The following LINGO2 variants were observed in gnomAD, a reference collection of about 807,000 sequenced individuals.
The protein encoded by LINGO2 is leucine rich repeat and Ig domain containing 2.
LINGO2 carries 14 observed loss-of-function variants against 30.6 expected under a neutral mutation model. That is an observed-to-expected ratio of 0.46 (90% CI 0.30 to 0.72). The LOEUF is 0.72. LINGO2 is among the 30% of genes least tolerant of loss of function. The pLI, the probability that LINGO2 is intolerant of heterozygous loss-of-function variation, is 0.07. For missense variants in LINGO2, 729 were observed against 751.7 expected (o/e 0.97, Z 0.35); for synonymous variants, 317 against 288.5 (o/e 1.10, Z -1.00).
At chr9:28,923,657 C>T in the LINGO2 span, among the ~76,000 whole-genome samples, 28 of 151,958 alleles carry the variant, frequency 1.8e-4, no homozygotes, top group African/African-American at 5.8e-4. Flanking sequence ...TGAATGTAGA[C>T]GACATAAGAA....
the LINGO2 span, among the ~76,000 whole-genome samples, chr9:29,170,001 C>A: frequency 2.0e-5 from 3 of 151,882 alleles, no homozygotes; most frequent in South Asian, 6.2e-4. Flanking sequence ...TAAAAACAAA[C>A]AAACAAAAAA....
chr9:28,469,571 G>A (rs531588373), intron 2 of LINGO2, among the ~76,000 whole-genome samples: 2 of 152,100 alleles, frequency 1.3e-5, no homozygotes, highest in East Asian at 3.9e-4. Flanking sequence ...AGCGGCAAGA[G>A]AAAGAACATT....
chr9:28,821,379 T>A, the LINGO2 span, among the ~76,000 whole-genome samples: 23 of 152,140 alleles, frequency 1.5e-4, no homozygotes, highest in Non-Finnish European at 2.8e-4. Context: ...TAAAAACAAA[T>A]GAGCAAGGGA....
chr9:28,460,176 G>T (rs540751050), intron 2 of LINGO2, among the ~76,000 whole-genome samples: 1 of 152,144 alleles, frequency 6.6e-6, no homozygotes, highest in South Asian at 2.1e-4. Flanking sequence ...CAGACTTACT[G>T]CCTCTTTCTA....
chr9:28,237,776 C>G (rs554673688), intron 4 of LINGO2, among the ~76,000 whole-genome samples: 6 of 152,116 alleles, frequency 3.9e-5, no homozygotes, highest in African/African-American at 1.4e-4. Context: ...ATTGCTTGAA[C>G]CTAGGAGGTG....
chr9:28,795,671 T>C, the LINGO2 span, among the ~76,000 whole-genome samples: 996 of 152,148 alleles, frequency 6.5e-3, 13 homozygotes, highest in African/African-American at 0.023. Flanking sequence ...AGACTGTGCA[T>C]CCATATTGTG....
chr9:28,253,088 AT>A (rs969543678), intron 4 of LINGO2, among the ~76,000 whole-genome samples: 2 of 151,952 alleles, frequency 1.3e-5, no homozygotes, highest in African/African-American at 2.4e-5. Context: ...AAAAAAAAAA[AT>A]ATTATTTTCT....
the LINGO2 span, among the ~76,000 whole-genome samples, chr9:28,829,912 T>G: frequency 6.6e-6 from 1 of 151,986 alleles, no homozygotes; most frequent in Non-Finnish European, 1.5e-5. Context: ...AGGAAAGAGG[T>G]ATAAAAGTAG....
intron 3 of LINGO2, among the ~76,000 whole-genome samples, chr9:28,351,845 T>C (rs1487913685): frequency 1.3e-5 from 2 of 150,146 alleles, no homozygotes; most frequent in African/African-American, 2.4e-5. Context: ...GCTGGTTCAA[T>C]ATATGCAAAT....
chr9:28,974,803 T>C, the LINGO2 span, among the ~76,000 whole-genome samples: 25 of 152,062 alleles, frequency 1.6e-4, no homozygotes, highest in Admixed American at 3.9e-4. Flanking sequence ...CTTGCAAAGT[T>C]CTTAGACACT....
chr9:28,898,467 A>G, the LINGO2 span, among the ~76,000 whole-genome samples: 10 of 152,116 alleles, frequency 6.6e-5, no homozygotes, highest in African/African-American at 2.4e-4. Flanking sequence ...ACTTCACAGC[A>G]CTATTTGCCC....
At chr9:28,779,412 T>G in the LINGO2 span, among the ~76,000 whole-genome samples, 1 of 152,172 alleles carries the variant, frequency 6.6e-6, no homozygotes, top group Non-Finnish European at 1.5e-5. Flanking sequence ...CTTGACACAG[T>G]TCAGATTGCA....
the LINGO2 span, among the ~76,000 whole-genome samples, chr9:29,103,448 A>G: frequency 5.4e-3 from 818 of 152,158 alleles, 9 homozygotes; most frequent in African/African-American, 0.019. Flanking sequence ...ATTTTATCCA[A>G]TGCTAACCTA....
rs987973081 is a variant in LINGO2 at position 28,595,149 on chromosome 9, A to G, written c.-365+75051T>C. Among the ~76,000 whole-genome samples the G allele has an allele frequency of 2.6e-5, 4 of 152,222 alleles. No individual in the cohort carries two copies. In the East Asian group the frequency reaches 5.8e-4, roughly 22 times the overall value. Reference sequence around the variant, plus strand: ...CCTCTTGAGCTCAGGCTTCATATCTATCACTTAAGATAGGTGAGAAAAAAC... The same window carrying G: ...CCTCTTGAGCTCAGGCTTCATATCTGTCACTTAAGATAGGTGAGAAAAAAC... On this transcript the variant is annotated intron_variant, in intron 1 of 5. Transcript: ENST00000379992.
intron 1 of LINGO2, among the ~76,000 whole-genome samples, chr9:28,520,375 C>A (rs1467230611): frequency 6.6e-6 from 1 of 152,076 alleles, no homozygotes; most frequent in Admixed American, 6.6e-5. Context: ...TTTACCAGAT[C>A]TTTGCATAGT....
At chr9:28,084,653 A>C (rs1160251064) in intron 4 of LINGO2, among the ~76,000 whole-genome samples, 1 of 152,140 alleles carries the variant, frequency 6.6e-6, no homozygotes, top group Non-Finnish European at 1.5e-5. Context: ...AAAAGCTAGA[A>C]TCCAAACCCG....
chr9:28,011,215 G>A (rs1379804449), intron 5 of LINGO2, among the ~76,000 whole-genome samples: 1 of 152,140 alleles, frequency 6.6e-6, no homozygotes, highest in South Asian at 2.1e-4. Context: ...AACGAAGGCT[G>A]AATTTCTGTG....
At chr9:28,394,631 T>G (rs1398245642) in intron 2 of LINGO2, among the ~76,000 whole-genome samples, 1 of 152,202 alleles carries the variant, frequency 6.6e-6, no homozygotes, top group Admixed American at 6.5e-5. Context: ...ATGTCTTTTG[T>G]TTTCTAAATC....
At chr9:29,201,485 C>T in the LINGO2 span, among the ~76,000 whole-genome samples, 2 of 151,958 alleles carry the variant, frequency 1.3e-5, no homozygotes, top group African/African-American at 4.8e-5. Context: ...TCAATTAAGC[C>T]ATCTATAACC....
Sources: gnomAD v4.1 joint callset for allele counts (sites outside exome capture counted in the v4.1 genomes callset) on GRCh38, gnomAD v4.1.1 for gene constraint, MANE v1.5 for transcripts, NCBI Gene and HGNC (gene_info 2026-07-23, HGNC 2026-07-21) for gene names.